Variants in PDZRN4 observed in about 807,000 individuals in gnomAD.
The protein encoded by PDZRN4 is PDZ domain containing ring finger 4.
Under a neutral mutation model 99.0 loss-of-function variants are expected in PDZRN4, and 70 were observed. That is an observed-to-expected ratio of 0.71 (90% CI 0.58 to 0.86). The LOEUF (loss-of-function observed/expected upper bound fraction) is 0.86, where lower values mean the gene tolerates loss of function less well. PDZRN4 is among the 40% of genes least tolerant of loss of function. The pLI, the probability that PDZRN4 is intolerant of heterozygous loss-of-function variation, is 0.00. For missense variants in PDZRN4, 1,474 were observed against 1,331.2 expected (o/e 1.11, Z -1.67); for synonymous variants, 551 against 501.6 (o/e 1.10, Z -1.32).
At chr12:41,419,649 T>G (rs1050988652) in intron 3 of PDZRN4, among the ~76,000 whole-genome samples, 1 of 151,776 alleles carries the variant, frequency 6.6e-6, no homozygotes, top group African/African-American at 2.4e-5. Flanking sequence ...TTTACAGGAG[T>G]GGGGTACATT....
chr12:41,489,674 GTTTTT>G (rs34309822), intron 3 of PDZRN4, among the ~76,000 whole-genome samples: 1 of 144,862 alleles, frequency 6.9e-6, no homozygotes. Flanking sequence ...AGATTTCCAG[GTTTTT>G]TTTTTTTTTT....
At position 41,555,129 on chromosome 12, in the gene PDZRN4, T is replaced by G. The variant is rs1328632034; in HGVS notation, c.1303-569T>G. 9.0e-5 allele frequency among the ~76,000 whole-genome samples: 12 copies of G among 133,704 alleles called. No individual in the cohort carries two copies. The East Asian group carries it at 1.3e-3, about 14-fold the overall frequency. The allele number at this position is 133,704 out of a possible 152,430, so 87.7% of individuals were successfully genotyped here. ...ATCTGTAGTCACAGCTACTCGGGAG[T>G]CTGAGGCAGGAGAATGGCATGAACC... On this transcript the variant is annotated intron_variant, in intron 6 of 9. Transcript: ENST00000402685.
At chr12:41,278,379 T>C (rs1314769670) in intron 3 of PDZRN4, among the ~76,000 whole-genome samples, 7 of 152,204 alleles carry the variant, frequency 4.6e-5, no homozygotes, top group Non-Finnish European at 1.0e-4. Context: ...GGTTAATCAT[T>C]GAGATGGGTT....
intron 3 of PDZRN4, among the ~76,000 whole-genome samples, chr12:41,206,078 C>CTAAT (rs1950848554): frequency 6.6e-6 from 1 of 151,912 alleles, no homozygotes; most frequent in African/African-American, 2.4e-5. Flanking sequence ...TCTACCACAA[C>CTAAT]TAATTATGAA....
chr12:41,325,627 A>C (rs1951704384), intron 3 of PDZRN4, among the ~76,000 whole-genome samples: 1 of 152,194 alleles, frequency 6.6e-6, no homozygotes, highest in South Asian at 2.1e-4. Context: ...AGTTAAGAGC[A>C]ACACTCAAGG....
intron 3 of PDZRN4, among the ~76,000 whole-genome samples, chr12:41,378,767 C>T (rs1482606425): frequency 6.6e-5 from 10 of 152,264 alleles, no homozygotes; most frequent in African/African-American, 2.4e-4. Flanking sequence ...AGGTGATCTG[C>T]CCACCTCAGC....
intron 3 of PDZRN4, among the ~76,000 whole-genome samples, chr12:41,291,492 T>C (rs1284175106): frequency 6.6e-6 from 1 of 152,178 alleles, no homozygotes; most frequent in African/African-American, 2.4e-5. Context: ...ATAATGACTT[T>C]CAGAGTTTCT....
chr12:41,188,839 C>T lies in PDZRN4; in HGVS notation c.384C>T (p.Pro128=). Residue 128 remains proline, a synonymous_variant, in exon 1 of 10, where the codon CCC becomes CCT. Transcript: ENST00000402685. ...CGGGGCTGGGCGGTGGTGAGGTGCC[C>T]GCGCGGGGGGGCTGCGGTCCGACAC... ...CASGLGGGEV[P]ARGGCGPTPR... 1 of 1,272,478 alleles carries T rather than the reference C, an allele frequency of 7.9e-7. No homozygotes were observed. The highest frequency in any genetic ancestry group is 2.6e-5 in the South Asian group (1 of 38,662). The allele number at this position is 1,272,478 out of a possible 1,614,324, so 78.8% of individuals were successfully genotyped here.
intron 5 of PDZRN4, among the ~76,000 whole-genome samples, chr12:41,516,390 C>A (rs1489079321): frequency 6.6e-6 from 1 of 152,028 alleles, no homozygotes; most frequent in East Asian, 1.9e-4. Context: ...TGCTACTATT[C>A]TTATTTTATA....
Position 41,194,718 on chromosome 12 carries a change from G to A in PDZRN4, c.843+530G>A, listed in dbSNP as rs1950760651. ...ATTGTGATGAAAGAATAAAATGCCT[G>A]AAGTTTTCAAATGTGTTAATGAATA... On this transcript the variant is annotated intron_variant, in intron 3 of 9. Coordinates refer to ENST00000402685, the MANE Select transcript of PDZRN4 (RefSeq NM_001164595.2). Among the ~76,000 whole-genome samples, 3 of 152,156 alleles carry A rather than the reference G, an allele frequency of 2.0e-5. No individual in the cohort carries two copies. The South Asian group carries it at 6.2e-4, about 32-fold the overall frequency.
At chr12:41,552,462 T>G (rs1456496987) in intron 5 of PDZRN4, among the ~76,000 whole-genome samples, 194 bp from the exon 6 acceptor site, 1 of 152,150 alleles carries the variant, frequency 6.6e-6, no homozygotes, top group East Asian at 1.9e-4. Context: ...TATAAAACAC[T>G]GGCTTCCCTA....
At chr12:41,531,424 C>T (rs1424590950) in intron 5 of PDZRN4, among the ~76,000 whole-genome samples, 1 of 152,310 alleles carries the variant, frequency 6.6e-6, no homozygotes, top group East Asian at 1.9e-4. Context: ...CGATGTGTTT[C>T]TGTCAACATG....
At chr12:41,246,204 T>C (rs1459363433) in intron 3 of PDZRN4, among the ~76,000 whole-genome samples, 4 of 152,220 alleles carry the variant, frequency 2.6e-5, no homozygotes, top group Non-Finnish European at 4.4e-5. Flanking sequence ...TCTGTCTGCA[T>C]AGATTTTTTA....
chr12:41,243,163 C>T (rs1334624432), intron 3 of PDZRN4, among the ~76,000 whole-genome samples: 1 of 152,114 alleles, frequency 6.6e-6, no homozygotes, highest in Non-Finnish European at 1.5e-5. Context: ...CTTCATTTTG[C>T]CTGAAGAATG....
chr12:41,336,325 G>GCAA (rs947732825), intron 3 of PDZRN4, among the ~76,000 whole-genome samples: 11 of 152,134 alleles, frequency 7.2e-5, no homozygotes, highest in African/African-American at 2.4e-4. Context: ...GGCTAGCTCA[G>GCAA]TTGCTGAGCT....
At chr12:41,214,435 A>G (rs1591970863) in intron 3 of PDZRN4, among the ~76,000 whole-genome samples, 1 of 137,826 alleles carries the variant, frequency 7.3e-6, no homozygotes, top group Non-Finnish European at 1.5e-5. Flanking sequence ...TCCCCTAAAA[A>G]AAAAAAAAAA....
chr12:41,417,347 A>G (rs962308042), intron 3 of PDZRN4, among the ~76,000 whole-genome samples: 1 of 152,248 alleles, frequency 6.6e-6, no homozygotes, highest in Admixed American at 6.5e-5. Flanking sequence ...CATTGCTAGC[A>G]CAAACTGAAT....
In PDZRN4 at chr12:41,440,621, T is replaced by C. The variant is rs576091082; in HGVS notation, c.844-65835T>C. On this transcript the variant is annotated intron_variant, in intron 3 of 9. Transcript: ENST00000402685. ...CTTTCAATTGGCACAAGAGATGGAA[T>C]GTCACCTCAAGAAAATTATTTTCAA... 1.7e-4 allele frequency among the ~76,000 whole-genome samples: 26 copies of C among 152,280 alleles called. No homozygotes were observed. The South Asian group carries it at 4.6e-3, about 27-fold the overall frequency.
Position 41,506,627 on chromosome 12 carries a change from A to C in PDZRN4, c.1015A>C (p.Thr339Pro), listed in dbSNP as rs766323513. 6.3e-5 allele frequency: 102 copies of C among 1,613,744 alleles called. No individual in the cohort carries two copies. Among genetic ancestry groups the C allele is most frequent in the Non-Finnish European group, 8.2e-5 (97 of 1,179,866 alleles). The change falls in exon 4 of 10, where the codon ACC (threonine) becomes CCC (proline). Residue 339 changes from threonine to proline, a missense_variant. By Grantham distance (38) the Thr-to-Pro change is conservative. Coordinates refer to ENST00000402685, the MANE Select transcript of PDZRN4 (RefSeq NM_001164595.2). ...LMNASTQTDI[T>P]FEHIMALAKL... ...GAATGCCAGCACTCAGACGGACATC[A>C]CCTTCGAACACATCATGGCTCTGGC...
Sources: gnomAD v4.1 joint callset for allele counts (sites outside exome capture counted in the v4.1 genomes callset) on GRCh38, gnomAD v4.1.1 for gene constraint, MANE v1.5 for transcripts, NCBI Gene and HGNC (gene_info 2026-07-23, HGNC 2026-07-21) for gene names.